Variants in CDKAL1 observed in about 807,000 individuals in gnomAD.
CDKAL1 encodes the protein threonylcarbamoyladenosine tRNA methylthiotransferase.
CDKAL1 carries 32 observed loss-of-function variants against 68.2 expected under a neutral mutation model. The observed-to-expected ratio is 0.47, with a 90% confidence interval of 0.35 to 0.63. The LOEUF (loss-of-function observed/expected upper bound fraction) is 0.63. CDKAL1 is among the 30% of genes least tolerant of loss of function. The pLI, the probability that CDKAL1 is intolerant of heterozygous loss-of-function variation, is 0.00. For missense variants in CDKAL1, 606 were observed against 696.7 expected, an observed-to-expected ratio of 0.87 and a Z score of 1.47; for synonymous variants, 234 against 244.3, an observed-to-expected ratio of 0.96 and a Z score of 0.39.
chr6:20,975,528 T>C (rs1349162441), intron 10 of CDKAL1, among the ~76,000 whole-genome samples: 1 of 152,256 alleles, frequency 6.6e-6, no homozygotes. Flanking sequence ...TTTGCATACA[T>C]AACATCTATT....
intron 13 of CDKAL1, among the ~76,000 whole-genome samples, chr6:21,149,691 GTGAC>G (rs1477369113): frequency 6.6e-6 from 1 of 152,132 alleles, no homozygotes; most frequent in Non-Finnish European, 1.5e-5. Context: ...CTTTCTGAAA[GTGAC>G]TGCGTTCACT....
chr6:20,949,029 C>T (rs919975133), intron 9 of CDKAL1, among the ~76,000 whole-genome samples: 2 of 152,178 alleles, frequency 1.3e-5, no homozygotes, highest in African/African-American at 4.8e-5. Context: ...TATGCCAACA[C>T]ATTTTTTCTA....
At chr6:20,697,000 C>T (rs1260805416) in intron 5 of CDKAL1, among the ~76,000 whole-genome samples, 1 of 152,114 alleles carries the variant, frequency 6.6e-6, no homozygotes, top group Non-Finnish European at 1.5e-5. Context: ...GAGTGATAAT[C>T]TGACCTTTGG....
chr6:20,935,084 C>T (rs1373646773), intron 9 of CDKAL1, among the ~76,000 whole-genome samples: 1 of 152,018 alleles, frequency 6.6e-6, no homozygotes, highest in African/African-American at 2.4e-5. Context: ...TTAGTAGAGA[C>T]GGGGTTACAC....
chr6:20,583,610 G>T (rs1765224171), intron 4 of CDKAL1, among the ~76,000 whole-genome samples: 2 of 152,154 alleles, frequency 1.3e-5, no homozygotes, highest in African/African-American at 2.4e-5. Context: ...CTTGAATGCT[G>T]TGAGAGAACT....
chr6:21,108,630 A>G (rs532398264), intron 13 of CDKAL1, among the ~76,000 whole-genome samples, 167 bp downstream of exon 13: 40 of 152,266 alleles, frequency 2.6e-4, no homozygotes, highest in Admixed American at 2.0e-3. Context: ...GAAATGTTAT[A>G]TTTCTGAACT....
intron 5 of CDKAL1, among the ~76,000 whole-genome samples, chr6:20,700,077 A>T (rs999966257): frequency 6.6e-6 from 1 of 151,424 alleles, no homozygotes; most frequent in Non-Finnish European, 1.5e-5. Context: ...TTAACACCTC[A>T]TGAGTAATTC....
intron 4 of CDKAL1, among the ~76,000 whole-genome samples, chr6:20,609,391 TC>T (rs1561963283): frequency 4.6e-4 from 51 of 110,244 alleles, no homozygotes; most frequent in African/African-American, 1.6e-3. Context: ...TTCTTCTTCT[TC>T]TTCTTCTTCT....
intron 7 of CDKAL1, among the ~76,000 whole-genome samples, chr6:20,771,346 G>A (rs1774933664): frequency 6.6e-6 from 1 of 152,118 alleles, no homozygotes; most frequent in African/African-American, 2.4e-5. Flanking sequence ...GTGAGCTCCA[G>A]GGGCCTCCTC....
At chr6:21,038,895 C>T (rs753440014) in intron 11 of CDKAL1, among the ~76,000 whole-genome samples, 8 of 152,164 alleles carry the variant, frequency 5.3e-5, no homozygotes, top group South Asian at 4.1e-4. Flanking sequence ...AAATATCATC[C>T]AGTATATCTA....
chr6:20,749,662 C>T (rs1395490048), intron 6 of CDKAL1, among the ~76,000 whole-genome samples: 2 of 152,072 alleles, frequency 1.3e-5, no homozygotes, highest in South Asian at 2.1e-4. Flanking sequence ...ATTCTCCTGC[C>T]TCAGCCTCCC....
rs185103504 is a variant in CDKAL1, at chr6:20,538,831, A to T, written c.-6+3437A>T. Among the ~76,000 whole-genome samples, 214 of 152,304 alleles carry T rather than the reference A, an allele frequency of 1.4e-3. 2 individuals are homozygous for T. Among genetic ancestry groups the T allele is most frequent in the Admixed American group, 5.9e-3 (90 of 15,294 alleles). The stretch of plus-strand genomic sequence containing the variant: ...TGCTGTGTCATAGAAAGACTAGCTA[A>T]ATTCAACTTAAGCATTGTGTTCATT... On this transcript the variant is annotated intron_variant, in intron 2 of 15. Coordinates refer to ENST00000274695, the MANE Select transcript of CDKAL1 (RefSeq NM_017774.3).
intron 13 of CDKAL1, among the ~76,000 whole-genome samples, chr6:21,128,404 G>A (rs1775126239): frequency 6.6e-6 from 1 of 152,154 alleles, no homozygotes. Context: ...ATCATATGTT[G>A]AGAATCATCT....
At chr6:21,184,682 C>A (rs1409040620) in intron 13 of CDKAL1, among the ~76,000 whole-genome samples, 1 of 151,934 alleles carries the variant, frequency 6.6e-6, no homozygotes, top group Non-Finnish European at 1.5e-5. Flanking sequence ...GACAGGGTCT[C>A]ACTCTGTTCC....
chr6:20,958,909 C>CA (rs1226489057), intron 10 of CDKAL1, among the ~76,000 whole-genome samples: 2 of 151,884 alleles, frequency 1.3e-5, no homozygotes, highest in East Asian at 1.9e-4. Context: ...GAAAAAAAAC[C>CA]AAACAGTTTA....
At chr6:21,178,855 C>T (rs1228623831) in intron 13 of CDKAL1, among the ~76,000 whole-genome samples, 1 of 152,248 alleles carries the variant, frequency 6.6e-6, no homozygotes, top group Non-Finnish European at 1.5e-5. Context: ...TGAAGCCGAA[C>T]TCCAACCTCT....
chr6:21,114,508 G>A (rs949551824), intron 13 of CDKAL1, among the ~76,000 whole-genome samples: 14 of 152,208 alleles, frequency 9.2e-5, no homozygotes, highest in African/African-American at 2.9e-4. Flanking sequence ...TGTGGTGGGA[G>A]AATCATTTGA....
intron 8 of CDKAL1, among the ~76,000 whole-genome samples, chr6:20,829,547 C>A (rs924470259): frequency 1.7e-4 from 26 of 152,154 alleles, no homozygotes; most frequent in Admixed American, 3.3e-4. Context: ...TACCCTTCAC[C>A]TTAGTCATAT....
rs1007097390 is a variant in CDKAL1 at position 20,921,152 on chromosome 6, A to G, written c.743-34267A>G. 3.9e-5 allele frequency among the ~76,000 whole-genome samples: 6 copies of G among 152,258 alleles called. No homozygotes were observed. The East Asian group carries it at 1.2e-3, about 29-fold the overall frequency. ...TCTTTAAAAAAAATAATAAACTGGCAAGGCACGGTGGCTCATGCCTGTAAT... is the reference window on the plus strand; with the variant it reads ...TCTTTAAAAAAAATAATAAACTGGCGAGGCACGGTGGCTCATGCCTGTAAT... On this transcript the variant is annotated intron_variant, in intron 9 of 15. Coordinates refer to ENST00000274695, the MANE Select transcript of CDKAL1 (RefSeq NM_017774.3).
Sources: gnomAD v4.1 joint callset for allele counts (sites outside exome capture counted in the v4.1 genomes callset) on GRCh38, gnomAD v4.1.1 for gene constraint, MANE v1.5 for transcripts, NCBI Gene and HGNC (gene_info 2026-07-23, HGNC 2026-07-21) for gene names.